Variants in AKAP12 observed in about 807,000 individuals in gnomAD.
AKAP12 encodes the protein A-kinase anchoring protein 12, also known as A-kinase anchor protein 12.
Under a neutral mutation model 79.9 loss-of-function variants are expected in AKAP12, and 32 were observed. The ratio of observed to expected loss-of-function variants is 0.40; its 90% CI spans 0.30 to 0.54. The LOEUF is 0.54. Ranked by LOEUF, AKAP12 falls within the 20% of genes least tolerant of loss-of-function variation. The pLI is 0.48. For synonymous variants in AKAP12, 808 were observed against 857.0 expected (o/e 0.94, Z 1.00); for missense variants, 2,074 against 2,177.0 (o/e 0.95, Z 0.94).
chr6:151,308,313 A>G (rs1469203273), intron 3 of AKAP12, among the ~76,000 whole-genome samples: 1 of 152,014 alleles, frequency 6.6e-6, no homozygotes, highest in African/African-American at 2.4e-5. Context: ...TCCAGGTTCA[A>G]GTGATTCTCC....
At chr6:151,317,616 G>A (rs997748061) in intron 3 of AKAP12, among the ~76,000 whole-genome samples, 1 of 152,144 alleles carries the variant, frequency 6.6e-6, no homozygotes, top group Non-Finnish European at 1.5e-5. Context: ...TTTGCTTTAA[G>A]CCAAATATTA....
chr6:151,337,816 C>G (rs550592440), intron 3 of AKAP12, among the ~76,000 whole-genome samples: 1 of 152,094 alleles, frequency 6.6e-6, no homozygotes, highest in Non-Finnish European at 1.5e-5. Flanking sequence ...GAGACTGAGG[C>G]GGATTGCTTT....
intron 3 of AKAP12, chr6:151,325,541 G>A: frequency 1.6e-6 from 2 of 1,251,552 alleles, no homozygotes; most frequent in South Asian, 1.9e-5. Context: ...GTGCGGCCCG[G>A]GCGGGGAAGT....
chr6:151,286,693 G>A (rs1457634789), intron 2 of AKAP12, among the ~76,000 whole-genome samples: 4 of 152,032 alleles, frequency 2.6e-5, no homozygotes, highest in East Asian at 1.9e-4. Context: ...TTATTTAAGC[G>A]CATATGAACC....
chr6:151,358,261 A>T lies in AKAP12; in HGVS notation c.*2547A>T, dbSNP rs1156406123. 1 of 152,250 alleles carries T rather than the reference A, an allele frequency of 6.6e-6. No individual in the cohort carries two copies. Among genetic ancestry groups the T allele is most frequent in the Non-Finnish European group, 1.5e-5 (1 of 68,036 alleles). The allele number at this position is 152,250 out of a possible 1,614,324, so 9.4% of individuals were successfully genotyped here. ...GCCATGTACAATAGAAAGCAATGCAAGACTTGTAAACTCTCACCACTTCTT... is the reference window on the plus strand; with the variant it reads ...GCCATGTACAATAGAAAGCAATGCATGACTTGTAAACTCTCACCACTTCTT... On this transcript the variant is annotated 3_prime_UTR_variant, in exon 5 of 5. Transcript: ENST00000402676.
chr6:151,349,613 A>G lies in AKAP12; in HGVS notation c.1222A>G (p.Ile408Val), dbSNP rs756855877. The change falls in exon 4 of 5, where the codon ATA (isoleucine) becomes GTA (valine). Residue 408 changes from isoleucine (I) to valine (V), a missense_variant. Ile to Val is a conservative substitution (Grantham distance 29, BLOSUM62 3). Around this residue, in one of 3 missense-constraint regions of AKAP12, gnomAD observed 1,428 missense variants for 1,451.0 expected, o/e 0.98. Coordinates refer to ENST00000402676, the MANE Select transcript of AKAP12 (RefSeq NM_005100.4). ...GGCGACAGAAGTGTTTGATGAGAAA[A>G]TAGAAGTCCACCAAGAAGAGGTTGT... The part of the protein sequence containing the change: ...PLATEVFDEK[I>V]EVHQEEVVAE... 1.2e-6 allele frequency: 2 copies of G among 1,611,216 alleles called. No homozygotes were observed. The highest frequency in any genetic ancestry group is 4.5e-5 in the East Asian group (2 of 44,862).
chr6:151,343,717 G>C (rs1778008440), intron 3 of AKAP12, among the ~76,000 whole-genome samples: 1 of 152,216 alleles, frequency 6.6e-6, no homozygotes, highest in Admixed American at 6.5e-5. Flanking sequence ...CCAGGAGGCG[G>C]AGGTTGCAGT....
intron 2 of AKAP12, among the ~76,000 whole-genome samples, chr6:151,263,108 T>C (rs1797469974): frequency 6.6e-6 from 1 of 152,174 alleles, no homozygotes; most frequent in African/African-American, 2.4e-5. Flanking sequence ...CAATCCTAGC[T>C]TACTGCAGCC....
At chr6:151,300,710 G>A (rs1285331904) in intron 2 of AKAP12, among the ~76,000 whole-genome samples, 1 of 151,108 alleles carries the variant, frequency 6.6e-6, no homozygotes, top group Non-Finnish European at 1.5e-5. Context: ...AACATTTGAG[G>A]TTTTTAGGGT....
At chr6:151,320,159 C>G (rs965103953) in intron 3 of AKAP12, among the ~76,000 whole-genome samples, 4 of 150,554 alleles carry the variant, frequency 2.7e-5, no homozygotes, top group Admixed American at 6.6e-5. Flanking sequence ...GGTCCCTGTC[C>G]CCTCCCTTTC....
At chr6:151,323,120 G>A (rs144262496) in intron 3 of AKAP12, among the ~76,000 whole-genome samples, 8 of 152,284 alleles carry the variant, frequency 5.3e-5, no homozygotes, top group South Asian at 2.1e-4. Flanking sequence ...ACAGAGGCTC[G>A]CTGGGCAGCT....
At chr6:151,269,625 C>A (rs1392589347) in intron 2 of AKAP12, among the ~76,000 whole-genome samples, 1 of 152,182 alleles carries the variant, frequency 6.6e-6, no homozygotes, top group African/African-American at 2.4e-5. Flanking sequence ...AGGAAGATAT[C>A]TCTGGATCAC....
In AKAP12 at chr6:151,356,524, A is replaced by G. The variant is rs1270588190; in HGVS notation, c.*810A>G. On this transcript the variant is annotated 3_prime_UTR_variant, in exon 5 of 5. Coordinates refer to ENST00000402676, the MANE Select transcript of AKAP12 (RefSeq NM_005100.4). The stretch of plus-strand genomic sequence containing the variant: ...CGATAAGTGTGCTTAATCCTGAGGC[A>G]AAGTAGTGAATATGTTTTATATGTT... 2.6e-5 allele frequency: 4 copies of G among 152,214 alleles called. No individual in the cohort carries two copies. The highest frequency in any genetic ancestry group is 9.7e-5 in the African/African-American group (4 of 41,440). 9.4% of individuals were successfully genotyped at this position (152,214 alleles called of 1,614,324 possible).
intron 2 of AKAP12, among the ~76,000 whole-genome samples, chr6:151,254,993 G>T (rs919376622): frequency 2.0e-5 from 3 of 152,010 alleles, no homozygotes; most frequent in Non-Finnish European, 2.9e-5. Context: ...CTTGTTCTTC[G>T]CCCAGAATGC....
At chr6:151,255,315 A>G (rs978744617) in intron 2 of AKAP12, among the ~76,000 whole-genome samples, 20 of 151,888 alleles carry the variant, frequency 1.3e-4, no homozygotes, top group South Asian at 4.2e-4. Flanking sequence ...ACAGGCATGC[A>G]CCACCACGCC....
intron 2 of AKAP12, among the ~76,000 whole-genome samples, chr6:151,250,120 C>T (rs142564138): frequency 6.6e-6 from 1 of 152,234 alleles, no homozygotes; most frequent in African/African-American, 2.4e-5. Flanking sequence ...TGGCACATGC[C>T]TGTAATTCCA....
chr6:151,293,849 C>G (rs1776667798), intron 2 of AKAP12, among the ~76,000 whole-genome samples: 1 of 152,136 alleles, frequency 6.6e-6, no homozygotes. Context: ...GCTCACATGC[C>G]TAAGGTCTGT....
intron 2 of AKAP12, among the ~76,000 whole-genome samples, chr6:151,251,980 G>A (rs899863155): frequency 5.9e-5 from 9 of 152,118 alleles, no homozygotes; most frequent in Non-Finnish European, 8.8e-5. Flanking sequence ...CCGGGCAACA[G>A]CGTGAGTGAG....
At chr6:151,332,024 T>C (rs67516737) in intron 3 of AKAP12, among the ~76,000 whole-genome samples, 71,568 of 144,658 alleles carry the variant, frequency 0.49, 20,908 homozygotes, top group African/African-American at 0.8. Flanking sequence ...CACGTCCAGT[T>C]CTGGGTCTGT....
Sources: gnomAD v4.1 joint callset for allele counts (sites outside exome capture counted in the v4.1 genomes callset) on GRCh38, gnomAD v4.1.1 for gene constraint, gnomAD v4.1.1 regional missense constraint, MANE v1.5 for transcripts, NCBI Gene and HGNC (gene_info 2026-07-23, HGNC 2026-07-21) for gene names.